AGBL4: variants seen among roughly 807,000 people sequenced by gnomAD.
AGBL4 encodes cytosolic carboxypeptidase 6.
A neutral mutation model predicts 66.4 loss-of-function variants in AGBL4; 58 were observed. The ratio of observed to expected loss-of-function variants is 0.87; its 90% CI spans 0.71 to 1.09. The LOEUF (loss-of-function observed/expected upper bound fraction) is 1.09, where lower values mean the gene tolerates loss of function less well. AGBL4 is among the 50% of genes least tolerant of loss of function. The probability of loss-of-function intolerance (pLI) is 0.00; values close to 1 mark genes in which losing one functional copy is unlikely to be tolerated. For missense variants in AGBL4, 579 were observed against 631.0 expected, an observed-to-expected ratio of 0.92 and a Z score of 0.88; for synonymous variants, 234 against 222.9, an observed-to-expected ratio of 1.05 and a Z score of -0.44.
intron 5 of AGBL4, among the ~76,000 whole-genome samples, chr1:49,004,613 G>T (rs1307168852): frequency 2.0e-5 from 3 of 152,120 alleles, no homozygotes; most frequent in African/African-American, 4.8e-5. Context: ...TCACAATCTA[G>T]CAGGGAGAAA....
intron 4 of AGBL4, among the ~76,000 whole-genome samples, chr1:49,177,991 GT>G (rs1488038390): frequency 1.3e-5 from 2 of 152,162 alleles, no homozygotes; most frequent in African/African-American, 4.8e-5. Context: ...GAAGATGACA[GT>G]TAGAGGGCTG....
intron 9 of AGBL4, among the ~76,000 whole-genome samples, chr1:48,625,956 T>C (rs1235576177): frequency 3.9e-5 from 6 of 152,180 alleles, no homozygotes; most frequent in East Asian, 1.9e-4. Context: ...CCTTAAAGTT[T>C]CATAAACCAT....
At chr1:49,985,982 T>G (rs1324485293) in intron 1 of AGBL4, among the ~76,000 whole-genome samples, 1 of 152,142 alleles carries the variant, frequency 6.6e-6, no homozygotes, top group South Asian at 2.1e-4. Flanking sequence ...AACGCTTTAA[T>G]TATATCCTAC....
At chr1:48,741,142 T>C (rs1336702702) in intron 6 of AGBL4, among the ~76,000 whole-genome samples, 1 of 152,212 alleles carries the variant, frequency 6.6e-6, no homozygotes, top group Non-Finnish European at 1.5e-5. Context: ...TGGAAGCTAC[T>C]TTAAGAAAAA....
chr1:49,441,461 G>C (rs1341737537), intron 3 of AGBL4, among the ~76,000 whole-genome samples: 5 of 152,182 alleles, frequency 3.3e-5, no homozygotes, highest in Admixed American at 6.6e-5. Context: ...GGAAATGCCT[G>C]ATCTCCCTTG....
At chr1:48,541,832 G>A (rs763054202) in intron 11 of AGBL4, among the ~76,000 whole-genome samples, 13 of 152,088 alleles carry the variant, frequency 8.5e-5, no homozygotes, top group Non-Finnish European at 1.9e-4. Flanking sequence ...TGTTTAATAC[G>A]TGCTAGGCAA....
intron 11 of AGBL4, among the ~76,000 whole-genome samples, chr1:48,555,072 C>T (rs1391603163): frequency 6.6e-6 from 1 of 152,012 alleles, no homozygotes; most frequent in African/African-American, 2.4e-5. Flanking sequence ...GGCAATGACA[C>T]TATGGCAGGG....
intron 6 of AGBL4, among the ~76,000 whole-genome samples, chr1:48,684,317 T>A (rs1464473440): frequency 1.3e-5 from 2 of 152,140 alleles, no homozygotes; most frequent in African/African-American, 4.8e-5. Context: ...TAGTGAATAG[T>A]CCAAAGAAGA....
chr1:49,980,769 A>G (rs941956605), intron 1 of AGBL4, among the ~76,000 whole-genome samples: 2 of 152,126 alleles, frequency 1.3e-5, no homozygotes, highest in African/African-American at 4.8e-5. Flanking sequence ...CTTTCAATTG[A>G]TTTGGATATA....
intron 2 of AGBL4, among the ~76,000 whole-genome samples, chr1:49,776,975 C>T (rs1195248563): frequency 6.6e-6 from 1 of 152,078 alleles, no homozygotes; most frequent in African/African-American, 2.4e-5. Context: ...CATTCTAGCA[C>T]ATGGAACAGT....
intron 2 of AGBL4, among the ~76,000 whole-genome samples, chr1:49,741,646 C>G (rs1218258448): frequency 6.6e-6 from 1 of 152,176 alleles, no homozygotes; most frequent in East Asian, 1.9e-4. Context: ...ATGCAAAAAT[C>G]CTCAATAAAA....
chr1:49,471,362 GT>G lies in AGBL4; in HGVS notation c.283-225499del, dbSNP rs1010343548. 1.6e-4 allele frequency among the ~76,000 whole-genome samples: 24 copies of G among 151,932 alleles called. 1 individual carries two copies. The highest frequency in any genetic ancestry group is 7.2e-4 in the Admixed American group (11 of 15,238). On this transcript the variant is annotated intron_variant, in intron 3 of 13. Coordinates refer to ENST00000371839, the MANE Select transcript of AGBL4 (RefSeq NM_032785.4). ...CAGAATCTTCCAAAAATTTGTTTTT[GT>G]TTTTGTTTTCAGTCTTAACTTCTCA...
At chr1:49,995,371 G>A in intron 1 of AGBL4, 1 of 439,012 alleles carries the variant, frequency 2.3e-6, no homozygotes, top group South Asian at 1.6e-5. Context: ...GCCTGTCACT[G>A]CGGCCTTTCC....
rs371926722 is a variant in AGBL4, at chr1:49,422,172, CA to C, written c.283-176309del. Among the ~76,000 whole-genome samples, 12 of 152,020 alleles carry C rather than the reference CA, an allele frequency of 7.9e-5. No individual in the cohort carries two copies. The South Asian group carries it at 8.3e-4, about 11-fold the overall frequency. On this transcript the variant is annotated intron_variant, in intron 3 of 13. Transcript: ENST00000371839. Reference sequence around the variant, plus strand: ...AATTTCAGCAATATAGATGCAGGCACAAAAAATTATGAGATTTTTAATCCAA... The same window carrying C: ...AATTTCAGCAATATAGATGCAGGCACAAAAATTATGAGATTTTTAATCCAA...
chr1:48,890,070 C>T (rs1227432356), intron 5 of AGBL4, among the ~76,000 whole-genome samples: 1 of 151,578 alleles, frequency 6.6e-6, no homozygotes, highest in African/African-American at 2.4e-5. Flanking sequence ...ATTGACAGAG[C>T]TGGGTTGTAA....
In AGBL4 at chr1:49,225,775, ACAAGAGCTAGTGGTCAC is replaced by A. The variant is rs925113456; in HGVS notation, c.377+19978_377+19994del. On this transcript the variant is annotated intron_variant, in intron 4 of 13. Transcript: ENST00000371839. Reference sequence around the variant, plus strand: ...ATATATGTTCCATTTCCTAGGGGCTACAAGAGCTAGTGGTCACCAAGAATCATATTTGACTCTCCTAC... The same window carrying A: ...ATATATGTTCCATTTCCTAGGGGCTACAAGAATCATATTTGACTCTCCTAC... Among the ~76,000 whole-genome samples the A allele has an allele frequency of 7.9e-5, 12 of 152,306 alleles. No individual in the cohort carries two copies. The East Asian group carries it at 2.3e-3, about 29-fold the overall frequency.
chr1:49,635,070 G>A (rs191198220), intron 3 of AGBL4, among the ~76,000 whole-genome samples: 1 of 152,110 alleles, frequency 6.6e-6, no homozygotes, highest in Non-Finnish European at 1.5e-5. Context: ...CAAGAAGAAG[G>A]CCCCTGAAAG....
chr1:49,189,262 C>A (rs1285562054), intron 4 of AGBL4, among the ~76,000 whole-genome samples: 4 of 152,256 alleles, frequency 2.6e-5, no homozygotes. Context: ...TAATCTTTCT[C>A]CTCTTATAGT....
At chr1:48,639,562 T>C (rs1376578411) in intron 8 of AGBL4, among the ~76,000 whole-genome samples, 4 of 152,218 alleles carry the variant, frequency 2.6e-5, no homozygotes, top group African/African-American at 9.6e-5. Flanking sequence ...GGAGAAAGCA[T>C]ATATTTCCAA....
Sources: allele counts gnomAD v4.1 joint callset (sites outside exome capture counted in the v4.1 genomes callset), GRCh38; gene constraint gnomAD v4.1.1; transcripts MANE v1.5; gene names NCBI Gene and HGNC (gene_info 2026-07-23, HGNC 2026-07-21).